The following HELZ variants were observed in gnomAD, a reference collection of about 807,000 sequenced individuals.
HELZ encodes the protein helicase with zinc finger.
Under a neutral mutation model 218.2 loss-of-function variants are expected in HELZ, and 23 were observed. The ratio of observed to expected loss-of-function variants is 0.11; its 90% CI spans 0.08 to 0.15. The LOEUF is 0.15. Among genes scored for constraint, HELZ ranks in the 10% least tolerant of loss-of-function variants. HELZ has a pLI of 1.00. For synonymous variants in HELZ, 814 were observed against 829.4 expected (o/e 0.98, Z 0.32); for missense variants, 1,813 against 2,353.7 (o/e 0.77, Z 4.75).
chr17:67,095,715 T>C (rs1056344063), intron 31 of HELZ, among the ~76,000 whole-genome samples: 4 of 152,244 alleles, frequency 2.6e-5, no homozygotes, highest in Admixed American at 2.0e-4. Context: ...GCATCCATGG[T>C]GATGGAATCA....
chr17:67,082,361 C>T (rs2036221053), intron 32 of HELZ, among the ~76,000 whole-genome samples: 1 of 152,182 alleles, frequency 6.6e-6, no homozygotes, highest in African/African-American at 2.4e-5. Context: ...CACAATGGTT[C>T]ATTTCCTCTA....
At chr17:67,191,131 GA>G (rs2039885024) in intron 9 of HELZ, among the ~76,000 whole-genome samples, 1 of 152,100 alleles carries the variant, frequency 6.6e-6, no homozygotes, top group Non-Finnish European at 1.5e-5. Flanking sequence ...ATTTCATTCT[GA>G]AAAAACAGTT....
Position 67,084,447 on chromosome 17 carries a change from G to A in HELZ, c.5494+2382C>T, listed in dbSNP as rs764807495. On this transcript the variant is annotated intron_variant, in intron 32 of 32. Coordinates refer to ENST00000358691, the MANE Select transcript of HELZ (RefSeq NM_014877.4). ...GGAGGCCGAGGCGGGCGGATCACAAGGTCAGGAGATCGAGACCATCCTGGC... is the reference window on the plus strand; with the variant it reads ...GGAGGCCGAGGCGGGCGGATCACAAAGTCAGGAGATCGAGACCATCCTGGC... Among the ~76,000 whole-genome samples the A allele has an allele frequency of 2.6e-5, 4 of 152,198 alleles. No homozygotes were observed. The East Asian group carries it at 5.8e-4, about 22-fold the overall frequency.
At chr17:67,236,735 GGAT>G (rs1009408473) in intron 3 of HELZ, among the ~76,000 whole-genome samples, 3 of 151,802 alleles carry the variant, frequency 2.0e-5, no homozygotes, top group Admixed American at 2.0e-4. Context: ...AATTGTCTTA[GGAT>G]AATAACCCAA....
At chr17:67,124,385 G>A (rs1014426548) in intron 24 of HELZ, among the ~76,000 whole-genome samples, 2 of 152,104 alleles carry the variant, frequency 1.3e-5, no homozygotes, top group Non-Finnish European at 2.9e-5. Context: ...ACGAAACACA[G>A]AGGTTGTTTT....
At position 67,108,696 on chromosome 17, in the gene HELZ, G is replaced by A; in HGVS notation, c.4520C>T (p.Thr1507Ile). The part of the protein sequence containing the change: ...DRIHGSVALE[T>I]LRQQQARFQQ... ...GAACCGTGCCTGCTGCTGCCTTAATGTTTCCAGAGCGACACTCCCATGTAT... is the reference window on the plus strand; with the variant it reads ...GAACCGTGCCTGCTGCTGCCTTAATATTTCCAGAGCGACACTCCCATGTAT... Residue 1507 changes from threonine to isoleucine, a missense_variant, in exon 30 of 33, where the codon ACA becomes ATA. Thr to Ile is a moderately conservative substitution (Grantham distance 89). Transcript: ENST00000358691. The surrounding 1 kb of genome is among the most constrained non-coding windows in gnomAD (Gnocchi z 4.1). 2 of 1,612,764 alleles carry A rather than the reference G, an allele frequency of 1.2e-6. No individual in the cohort carries two copies. The highest frequency in any genetic ancestry group is 1.7e-6 in the Non-Finnish European group (2 of 1,178,980).
At chr17:67,243,502 T>G (rs2041382954) in intron 2 of HELZ, among the ~76,000 whole-genome samples, 1 of 152,228 alleles carries the variant, frequency 6.6e-6, no homozygotes, top group Non-Finnish European at 1.5e-5. Context: ...AGGCAAACTA[T>G]AATTATCCCT....
At chr17:67,093,693 C>T (rs1567793936) in intron 31 of HELZ, among the ~76,000 whole-genome samples, 1 of 152,146 alleles carries the variant, frequency 6.6e-6, no homozygotes, top group Non-Finnish European at 1.5e-5. Context: ...GTTCTACCTG[C>T]AAAGTAGATC....
Position 67,215,857 on chromosome 17 carries a change from C to T in HELZ, c.247+42G>A. 7 of 1,286,778 alleles carry T rather than the reference C, an allele frequency of 5.4e-6. No homozygotes were observed. The African/African-American group carries it at 8.9e-5, about 16-fold the overall frequency. 79.7% of individuals were successfully genotyped at this position (1,286,778 alleles called of 1,614,324 possible). On this transcript the variant is annotated intron_variant, in intron 5 of 32. Transcript: ENST00000358691. Reference sequence around the variant, plus strand: ...CCAAAAAAAAAAATCAAACCTTAAACATTGTTCAATTCAATAATTCGAGTC... The same window carrying T: ...CCAAAAAAAAAAATCAAACCTTAAATATTGTTCAATTCAATAATTCGAGTC...
intron 3 of HELZ, among the ~76,000 whole-genome samples, chr17:67,231,866 G>A (rs974443778): frequency 1.7e-4 from 25 of 150,934 alleles, no homozygotes; most frequent in South Asian, 1.3e-3. Context: ...CAGCCTGGCC[G>A]ATATGGTGAA....
chr17:67,152,484 T>C (rs543973913), intron 17 of HELZ, among the ~76,000 whole-genome samples: 1 of 152,180 alleles, frequency 6.6e-6, no homozygotes, highest in Admixed American at 6.5e-5. Flanking sequence ...AATTTACTGA[T>C]GAACTAGAAG....
rs2039856400 is a variant in HELZ at position 67,190,181 on chromosome 17, C to T, written c.732G>A (p.Met244Ile). ...SYMETLIEKW[M>I]NSLSPEKVLS... is the part of the protein sequence containing the mutation. Reference sequence around the variant, plus strand: ...CCACTTTCTCAGGAGACAATGAATTCATCCACTTTTCTATCAAGGTTTCCA... The same window carrying T: ...CCACTTTCTCAGGAGACAATGAATTTATCCACTTTTCTATCAAGGTTTCCA... Residue 244 changes from methionine (M) to isoleucine (I), a missense_variant, in exon 10 of 33, where the codon ATG becomes ATA. Coordinates refer to ENST00000358691, the MANE Select transcript of HELZ (RefSeq NM_014877.4). 6.2e-7 allele frequency: 1 copy of T among 1,613,798 alleles called. No individual in the cohort carries two copies. Among genetic ancestry groups the T allele is most frequent in the Admixed American group, 1.7e-5 (1 of 60,004 alleles).
intron 24 of HELZ, among the ~76,000 whole-genome samples, chr17:67,126,570 T>A (rs929427458): frequency 4.6e-5 from 7 of 152,258 alleles, no homozygotes; most frequent in Non-Finnish European, 8.8e-5. Context: ...TGTAGCAGGC[T>A]GGACACAGTG....
chr17:67,087,168 T>C, intron 31 of HELZ, 87 bp from the exon 32 acceptor site: 3 of 1,242,150 alleles, frequency 2.4e-6, no homozygotes, highest in East Asian at 4.7e-5. Flanking sequence ...TATCTCACTA[T>C]ATAAAGTAAA....
intron 27 of HELZ, among the ~76,000 whole-genome samples, chr17:67,116,635 T>C (rs536739548): frequency 1.3e-5 from 2 of 152,234 alleles, no homozygotes; most frequent in South Asian, 4.2e-4. Context: ...ACGAGTTAAT[T>C]AATCAAGAGT....
intron 3 of HELZ, among the ~76,000 whole-genome samples, chr17:67,222,443 G>A (rs147971281): frequency 6.6e-6 from 1 of 152,160 alleles, no homozygotes; most frequent in Non-Finnish European, 1.5e-5. Context: ...TATGTAAGTA[G>A]AGATTAAGCG....
At chr17:67,172,793 A>G (rs1239043807) in intron 13 of HELZ, among the ~76,000 whole-genome samples, 1 of 152,014 alleles carries the variant, frequency 6.6e-6, no homozygotes, top group Non-Finnish European at 1.5e-5. Flanking sequence ...TTTTGTAGAG[A>G]TGGGGTCTCG....
intron 24 of HELZ, among the ~76,000 whole-genome samples, chr17:67,125,552 G>T (rs1042002304): frequency 1.3e-5 from 2 of 151,512 alleles, no homozygotes; most frequent in African/African-American, 4.9e-5. Context: ...AAACCATTTA[G>T]ATTTCTTATC....
intron 27 of HELZ, among the ~76,000 whole-genome samples, chr17:67,115,322 A>C (rs2037396676): frequency 6.6e-6 from 1 of 152,114 alleles, no homozygotes; most frequent in Non-Finnish European, 1.5e-5. Context: ...CAAAAACTTT[A>C]AGCATCCTAA....
Sources: allele counts gnomAD v4.1 joint callset (sites outside exome capture counted in the v4.1 genomes callset), GRCh38; gene constraint gnomAD v4.1.1; non-coding constraint Gnocchi (gnomAD v3.1); transcripts MANE v1.5; gene names NCBI Gene and HGNC (gene_info 2026-07-23, HGNC 2026-07-21).